The following HDAC2 variants were observed in gnomAD, a reference collection of about 807,000 sequenced individuals.
The protein encoded by HDAC2 is histone deacetylase 2.
HDAC2 carries 5 observed loss-of-function variants against 68.5 expected under a neutral mutation model. That is an observed-to-expected ratio of 0.07 (90% CI 0.04 to 0.15). The LOEUF (loss-of-function observed/expected upper bound fraction) is 0.15. HDAC2 is among the 10% of genes least tolerant of loss of function. The pLI is 1.00. For missense variants in HDAC2, 291 were observed against 600.8 expected (o/e 0.48, Z 5.39); for synonymous variants, 182 against 191.3 (o/e 0.95, Z 0.40).
At chr6:113,952,790 A>T (rs1478794556) in intron 6 of HDAC2, among the ~76,000 whole-genome samples, 1 of 152,222 alleles carries the variant, frequency 6.6e-6, no homozygotes, top group Non-Finnish European at 1.5e-5. Context: ...GCAAGGTTAC[A>T]CTATGGTATC....
At chr6:113,948,689 A>T in intron 8 of HDAC2, 1 of 303,102 alleles carries the variant, frequency 3.3e-6, no homozygotes, top group Non-Finnish European at 6.1e-6. Flanking sequence ...TAAGTAAAAA[A>T]GTATGCATGT....
rs1776466618 is a variant in HDAC2, at chr6:113,953,327, C to CA, written c.588_589insT (p.Val197CysfsTer5). The CA allele has an allele frequency of 6.2e-7, 1 of 1,604,716 alleles. No homozygotes were observed. The highest frequency in any genetic ancestry group is 8.5e-7 in the Non-Finnish European group (1 of 1,171,754). On this transcript the variant is annotated frameshift_variant, in exon 6 of 14. Coordinates refer to ENST00000519065, the MANE Select transcript of HDAC2 (RefSeq NM_001527.4). LOFTEE classifies it high-confidence loss of function. ...TATTCCCCATATTTATGGAATGATA[C>CA]CGTCATTACACGATCTGTTGTATAA...
rs550056338 is a variant in HDAC2 at position 113,970,700 on chromosome 6, G to A, written c.52+157C>T. The A allele has an allele frequency of 8.4e-5, 117 of 1,387,522 alleles. No individual in the cohort carries two copies. The Middle Eastern group carries it at 1.1e-3, about 13-fold the overall frequency. The allele number at this position is 1,387,522 out of a possible 1,614,324, so 86.0% of individuals were successfully genotyped here. ...GGGGCTGCGCCAGGAAGAGGGTCTC[G>A]TTCTAACTGTGCCGGGCCGGGAACG... is the stretch of plus-strand genomic sequence containing the variant. On this transcript the variant is annotated intron_variant, in intron 1 of 13. Transcript: ENST00000519065.
Position 113,943,597 on chromosome 6 carries a change from G to C in HDAC2, c.1223-91C>G, listed in dbSNP as rs1582477190. 4.5e-6 allele frequency: 4 copies of C among 883,542 alleles called. No homozygotes were observed. The East Asian group carries it at 1.1e-4, about 25-fold the overall frequency. The allele number at this position is 883,542 out of a possible 1,614,324, so 54.7% of individuals were successfully genotyped here. ...CTCATACAAATGCACTAAGCAGTTA[G>C]TTACCACATTTAAACGTAAAGGGTA... On this transcript the variant is annotated intron_variant, in intron 11 of 13. Transcript: ENST00000519065.
At chr6:113,969,099 TGATCAGGGAATGCAG>T (rs1776908947) in intron 1 of HDAC2, among the ~76,000 whole-genome samples, 1 of 152,230 alleles carries the variant, frequency 6.6e-6, no homozygotes, top group African/African-American at 2.4e-5. Context: ...CTTTCCAATT[TGATCAGGGAATGCAG>T]GGCAAGAATA....
chr6:113,959,853 T>TAA (rs903784239), intron 2 of HDAC2, 53 bp downstream of exon 2: 2 of 754,134 alleles, frequency 2.7e-6, no homozygotes, highest in East Asian at 2.6e-5. Flanking sequence ...TCACAGTAGC[T>TAA]AAAAAAAAAT....
At chr6:113,955,605 C>A (rs536051145) in intron 5 of HDAC2, among the ~76,000 whole-genome samples, 1 of 152,268 alleles carries the variant, frequency 6.6e-6, no homozygotes, top group South Asian at 2.1e-4. Flanking sequence ...GCAGACTCAA[C>A]TTCCTGGGCT....
At chr6:113,966,115 T>C (rs1277192286) in intron 1 of HDAC2, among the ~76,000 whole-genome samples, 2 of 152,236 alleles carry the variant, frequency 1.3e-5, no homozygotes, top group Non-Finnish European at 2.9e-5. Flanking sequence ...GGAAAAGTGG[T>C]AGACTGCACC....
At chr6:113,946,239 C>T (rs527367260) in intron 8 of HDAC2, 91 bp from the exon 9 acceptor site, 7 of 1,017,896 alleles carry the variant, frequency 6.9e-6, no homozygotes, top group Non-Finnish European at 8.5e-6. Context: ...GCAAATGTTA[C>T]TCAACCAAAA....
Position 113,946,174 on chromosome 6 carries a change from A to G in HDAC2, c.842-26T>C, listed in dbSNP as rs747782769. 6.3e-6 allele frequency: 10 copies of G among 1,597,696 alleles called. No homozygotes were observed. The African/African-American group carries it at 1.3e-4, about 21-fold the overall frequency. On this transcript the variant is annotated intron_variant, in intron 8 of 13. Coordinates refer to ENST00000519065, the MANE Select transcript of HDAC2 (RefSeq NM_001527.4). ...CTAAGACAAGAAGATTTGGGTAACA[A>G]CAAAATCTGCATACTGCAACAGTTC...
chr6:113,970,420 A>C, intron 1 of HDAC2: 1 of 1,013,242 alleles, frequency 9.9e-7, no homozygotes, highest in East Asian at 1.0e-4. Context: ...CCGGGATAGA[A>C]ATTTTGCCTC....
intron 2 of HDAC2, 143 bp downstream of exon 2, chr6:113,959,763 T>A: frequency 1.7e-6 from 1 of 572,226 alleles, no homozygotes; most frequent in Non-Finnish European, 3.1e-6. Flanking sequence ...CTCCTAAGAA[T>A]AAACGAAAAA....
chr6:113,943,511 AC>A lies in HDAC2; in HGVS notation c.1223-6del. 1 of 1,585,756 alleles carries A rather than the reference AC, an allele frequency of 6.3e-7. No individual in the cohort carries two copies. Among genetic ancestry groups the A allele is most frequent in the Non-Finnish European group, 8.5e-7 (1 of 1,173,814 alleles). On this transcript the variant is annotated splice_polypyrimidine_tract_variant and splice_region_variant and intron_variant, in intron 11 of 13. Coordinates refer to ENST00000519065, the MANE Select transcript of HDAC2 (RefSeq NM_001527.4). ...TCCGCTTGTCTGATGCTCGAACTGC[AC>A]AGAATATTTTAATAAATTTTGACAA...
intron 6 of HDAC2, among the ~76,000 whole-genome samples, chr6:113,952,283 T>C (rs1307787181): frequency 1.3e-5 from 2 of 152,204 alleles, no homozygotes; most frequent in South Asian, 2.1e-4. Context: ...ATTACAAATC[T>C]GCAATTTTAA....
At chr6:113,946,386 G>A (rs560842279) in intron 8 of HDAC2, 54 of 322,530 alleles carry the variant, frequency 1.7e-4, no homozygotes, top group African/African-American at 1.1e-3. Flanking sequence ...TGTCCCTGAT[G>A]GAAAAGTCAA....
intron 6 of HDAC2, among the ~76,000 whole-genome samples, chr6:113,951,800 A>G (rs1272600608): frequency 6.6e-6 from 1 of 152,150 alleles, no homozygotes; most frequent in Admixed American, 6.5e-5. Context: ...AGAAAAAGAG[A>G]TGTTGAAAGC....
chr6:113,948,959 C>G lies in HDAC2; in HGVS notation c.841+20G>C, dbSNP rs749828429. On this transcript the variant is annotated intron_variant, in intron 8 of 13. Transcript: ENST00000519065. ...GAAAAACCATTTTTTTCTGGAAATA[C>G]CACCCTTTGAATTGCTTACCTTTGA... The G allele has an allele frequency of 6.2e-7, 1 of 1,606,020 alleles. No individual in the cohort carries two copies. The highest frequency in any genetic ancestry group is 8.5e-7 in the Non-Finnish European group (1 of 1,177,486).
intron 2 of HDAC2, among the ~76,000 whole-genome samples, chr6:113,959,436 T>C (rs945900850): frequency 1.3e-5 from 2 of 152,010 alleles, no homozygotes; most frequent in African/African-American, 2.4e-5. Flanking sequence ...AGGCAGCTGT[T>C]GCACTTGTGT....
At chr6:113,970,505 G>A (rs1201192587) in intron 1 of HDAC2, 2 of 1,158,234 alleles carry the variant, frequency 1.7e-6, no homozygotes. Context: ...TGGTGGGCGG[G>A]AGAAGGGAGA....
Sources: gnomAD v4.1 joint callset for allele counts (sites outside exome capture counted in the v4.1 genomes callset) on GRCh38, gnomAD v4.1.1 for gene constraint, MANE v1.5 for transcripts, NCBI Gene and HGNC (gene_info 2026-07-23, HGNC 2026-07-21) for gene names.